The following SSC5D variants were observed in gnomAD, a reference collection of about 807,000 sequenced individuals.
SSC5D encodes scavenger receptor cysteine rich family member with 5 domains.
A neutral mutation model predicts 104.6 loss-of-function variants in SSC5D; 106 were observed. The observed-to-expected ratio is 1.01, with a 90% CI of 0.87 to 1.19. The LOEUF is 1.19. Among genes scored for constraint, SSC5D ranks in the 50% most tolerant of loss-of-function variants. The pLI, the probability that SSC5D is intolerant of heterozygous loss-of-function variation, is 0.00. For missense variants in SSC5D, 1,993 were observed against 2,153.8 expected (o/e 0.93, Z 1.48); for synonymous variants, 860 against 883.5 (o/e 0.97, Z 0.47).
In SSC5D at chr19:55,500,331, T is replaced by C. The variant is rs1230329298; in HGVS notation, c.2221T>C (p.Ser741Pro). The C allele has an allele frequency of 1.3e-6, 2 of 1,551,326 alleles. No homozygotes were observed. The highest frequency in any genetic ancestry group is 2.4e-5 in the East Asian group (1 of 40,892). ...KSIPQASLEP[S>P]AEIPEGSPES... Reference sequence around the variant, plus strand: ...TATCCCTCAGGCCTCCCTGGAGCCATCTGCTGAGATCCCAGAAGGGTCTCC... The same window carrying C: ...TATCCCTCAGGCCTCCCTGGAGCCACCTGCTGAGATCCCAGAAGGGTCTCC... Residue 741 changes from serine to proline, a missense_variant, in exon 10 of 14, where the codon TCT becomes CCT. Physicochemically the swap from Ser to Pro is moderately conservative, Grantham distance 74. Transcript: ENST00000389623. The surrounding 1 kb of genome is among the most constrained non-coding windows in gnomAD (Gnocchi z 4.6).
At chr19:55,502,159 A>T (rs1987521893) in intron 12 of SSC5D, among the ~76,000 whole-genome samples, 1 of 152,024 alleles carries the variant, frequency 6.6e-6, no homozygotes, top group Non-Finnish European at 1.5e-5. Context: ...TCACTCTCTC[A>T]AAGTGCTGGG....
intron 7 of SSC5D, among the ~76,000 whole-genome samples, chr19:55,494,293 G>C (rs1193785164): frequency 2.0e-5 from 3 of 152,170 alleles, no homozygotes; most frequent in Non-Finnish European, 2.9e-5. Flanking sequence ...TCAGCCCCGT[G>C]GCAGCCCTGG....
At position 55,501,014 on chromosome 19, in the gene SSC5D, T is replaced by C. The variant is rs11084400; in HGVS notation, c.2618-20T>C. On this transcript the variant is annotated intron_variant, in intron 11 of 13. Coordinates refer to ENST00000389623, the MANE Select transcript of SSC5D (RefSeq NM_001144950.2). ...CTGAGAAAGAGGATGGGGTCAACCA[T>C]TACCCCAATTTCTCCAAAGGCTACA... 0.2 allele frequency: 316,165 copies of C among 1,550,966 alleles called. 33,557 individuals are homozygous for C. The highest frequency in any genetic ancestry group is 0.42 in the East Asian group (17,150 of 40,876).
chr19:55,497,795 A>G (rs1367561945), intron 8 of SSC5D, 85 bp from the exon 9 acceptor site: 1 of 1,293,048 alleles, frequency 7.7e-7, no homozygotes, highest in Non-Finnish European at 1.0e-6. Flanking sequence ...GTGGAAAGGA[A>G]GATGGGGGGA....
At chr19:55,490,049 C>G (rs1987088732) in intron 4 of SSC5D, 54 bp downstream of exon 4, 6 of 1,293,096 alleles carry the variant, frequency 4.6e-6, no homozygotes, top group South Asian at 1.4e-5. Flanking sequence ...CTCCTGCCCC[C>G]CCCGAGGGGA....
At chr19:55,493,489 T>G in intron 6 of SSC5D, 106 bp from the exon 7 acceptor site, 3 of 1,037,802 alleles carry the variant, frequency 2.9e-6, no homozygotes, top group Non-Finnish European at 3.9e-6. Context: ...AGATGGAATA[T>G]TTGCTTCCCA....
chr19:55,514,926 C>G (rs1175424563), intron 13 of SSC5D, among the ~76,000 whole-genome samples: 1 of 152,150 alleles, frequency 6.6e-6, no homozygotes, highest in Non-Finnish European at 1.5e-5. Context: ...GGTCACCCCG[C>G]TAGGAAGCCA....
intron 12 of SSC5D, among the ~76,000 whole-genome samples, chr19:55,506,781 G>A (rs1416667548): frequency 4.6e-5 from 7 of 152,162 alleles, no homozygotes; most frequent in Non-Finnish European, 7.3e-5. Context: ...TGTGTCAAAT[G>A]CCTACTGTGT....
At chr19:55,512,906 A>T in intron 12 of SSC5D, 105 bp from the exon 13 acceptor site, 1 of 1,388,116 alleles carries the variant, frequency 7.2e-7, no homozygotes, top group Non-Finnish European at 1.0e-6. Flanking sequence ...GGTGCAGTTG[A>T]GACGGGATGA....
rs1987228241 is a variant in SSC5D at position 55,493,891 on chromosome 19, G to A, written c.1192G>A (p.Asp398Asn). ...WGQHDCHHREDAGAVCDGMPL... is the reference protein window; with the variant it reads ...WGQHDCHHRENAGAVCDGMPL... ...CCAGCATGACTGTCACCACCGCGAGGACGCCGGGGCCGTGTGTGACGGTGA... is the reference window on the plus strand; with the variant it reads ...CCAGCATGACTGTCACCACCGCGAGAACGCCGGGGCCGTGTGTGACGGTGA... Residue 398 changes from aspartate to asparagine, a missense_variant, in exon 7 of 14, where the codon GAC (aspartate) becomes AAC (asparagine). Asp to Asn is a conservative substitution (Grantham distance 23). Transcript: ENST00000389623. The A allele has an allele frequency of 1.3e-6, 2 of 1,546,970 alleles. No homozygotes were observed. The highest frequency in any genetic ancestry group is 8.7e-7 in the Non-Finnish European group (1 of 1,146,590).
In SSC5D at chr19:55,497,987, C is replaced by T. The variant is rs759475397; in HGVS notation, c.1495C>T (p.Arg499Trp). 30 of 1,551,674 alleles carry T rather than the reference C, an allele frequency of 1.9e-5. No homozygotes were observed. The highest frequency in any genetic ancestry group is 9.5e-5 in the South Asian group (8 of 84,064). ...CGTGTGTGACGATAGCTGGGACATG[C>T]GGGATTCAGCTGTGGTCTGCCGGGA... Reference protein sequence around the residue: ...GTVCDDSWDMRDSAVVCRELG... With the variant: ...GTVCDDSWDMWDSAVVCRELG... Residue 499 changes from arginine (R) to tryptophan (W), a missense_variant, in exon 9 of 14, where the codon CGG becomes TGG. Arg to Trp is a moderately radical substitution (Grantham distance 101, BLOSUM62 -3). This residue lies in a region of SSC5D where 1,101 missense variants were observed against 1,085.0 expected (regional missense o/e 1.01). Transcript: ENST00000389623.
rs1987380549 is a variant in SSC5D at position 55,498,214 on chromosome 19, T to C, written c.1705+17T>C. 1.3e-6 allele frequency: 2 copies of C among 1,551,304 alleles called. No individual in the cohort carries two copies. Among genetic ancestry groups the C allele is most frequent in the Non-Finnish European group, 1.7e-6 (2 of 1,146,802 alleles). ...CCTGCACTGGTAAGGAGGCCCTAGC[T>C]ATCTGTTGACTCCAGGAGGGCTTCC... On this transcript the variant is annotated intron_variant, in intron 9 of 13. Coordinates refer to ENST00000389623, the MANE Select transcript of SSC5D (RefSeq NM_001144950.2).
chr19:55,490,296 A>G lies in SSC5D; in HGVS notation c.476-2A>G. On this transcript the variant is annotated splice_acceptor_variant, in intron 4 of 13. Coordinates refer to ENST00000389623, the MANE Select transcript of SSC5D (RefSeq NM_001144950.2). LOFTEE classifies it high-confidence loss of function. Reference sequence around the variant, plus strand: ...CTGACCCCTGGCTGTCTCCACTCCCAGCCCCCCGCCCAGCTGGGAACCCCC... The same window carrying G: ...CTGACCCCTGGCTGTCTCCACTCCCGGCCCCCCGCCCAGCTGGGAACCCCC... 5.3e-6 allele frequency: 5 copies of G among 937,948 alleles called. No homozygotes were observed. The highest frequency in any genetic ancestry group is 8.3e-6 in the Non-Finnish European group (5 of 600,350). 58.1% of individuals were successfully genotyped at this position (937,948 alleles called of 1,614,324 possible).
chr19:55,512,878 A>C (rs879491491), intron 12 of SSC5D, 133 bp from the exon 13 acceptor site: 4 of 1,082,230 alleles, frequency 3.7e-6, no homozygotes, highest in Non-Finnish European at 5.5e-6. Context: ...CCACGAGGTC[A>C]GGTAGGGCTG....
chr19:55,514,287 C>T (rs12975297), intron 13 of SSC5D, among the ~76,000 whole-genome samples: 32,555 of 151,142 alleles, frequency 0.22, 3,760 homozygotes, highest in East Asian at 0.34. Context: ...CACCTATGGT[C>T]CCAGCTACTC....
chr19:55,490,631 G>T, intron 5 of SSC5D, 141 bp from the exon 6 acceptor site: 1 of 999,170 alleles, frequency 1.0e-6, no homozygotes, highest in Middle Eastern at 3.3e-4. Context: ...TCAGGTCGTG[G>T]ACTCACCTCT....
At chr19:55,504,069 G>C in intron 12 of SSC5D, 1 of 1,518,756 alleles carries the variant, frequency 6.6e-7, no homozygotes, top group Non-Finnish European at 8.8e-7. Context: ...GTGACTTGGG[G>C]GTGGGTGGGC....
At chr19:55,509,850 CAAAAAAAA>C (rs1250937223) in intron 12 of SSC5D, among the ~76,000 whole-genome samples, 4 of 75,986 alleles carry the variant, frequency 5.3e-5, no homozygotes, top group Non-Finnish European at 8.1e-5. Context: ...AACTCTGTCT[CAAAAAAAA>C]AAAAAAAAAA....
intron 9 of SSC5D, 57 bp from the exon 10 acceptor site, chr19:55,499,759 G>C: frequency 2.2e-6 from 3 of 1,387,562 alleles, no homozygotes; most frequent in Non-Finnish European, 3.0e-6. Context: ...GGCCTGGGTA[G>C]ATGATCTTGT....
Sources: allele counts gnomAD v4.1 joint callset (sites outside exome capture counted in the v4.1 genomes callset), GRCh38; gene constraint gnomAD v4.1.1; regional missense constraint gnomAD v4.1.1; non-coding constraint Gnocchi (gnomAD v3.1); transcripts MANE v1.5; gene names NCBI Gene and HGNC (gene_info 2026-07-23, HGNC 2026-07-21).